The following LARGE1 variants were observed in gnomAD, a reference collection of about 807,000 sequenced individuals.
LARGE1 encodes LARGE xylosyl- and glucuronyltransferase 1, also known as xylosyl- and glucuronyltransferase LARGE1.
A neutral mutation model predicts 87.6 loss-of-function variants in LARGE1; 43 were observed. That is an observed-to-expected ratio of 0.49 (90% CI 0.38 to 0.63). The LOEUF is 0.63. LARGE1 is among the 30% of genes least tolerant of loss of function. The pLI, the probability that LARGE1 is intolerant of heterozygous loss-of-function variation, is 0.00. For missense variants in LARGE1, 802 were observed against 1,000.2 expected, an observed-to-expected ratio of 0.80 and a Z score of 2.67; for synonymous variants, 434 against 394.6, an observed-to-expected ratio of 1.10 and a Z score of -1.18.
At chr22:33,071,674 A>G in the LARGE1 span, among the ~76,000 whole-genome samples, 1 of 152,200 alleles carries the variant, frequency 6.6e-6, no homozygotes, top group Non-Finnish European at 1.5e-5. Flanking sequence ...ATATTAATAC[A>G]TGTTTATGGA....
At chr22:33,214,040 G>T (rs186085622) in intron 11 of LARGE1, among the ~76,000 whole-genome samples, 77 of 152,306 alleles carry the variant, frequency 5.1e-4, no homozygotes, top group Admixed American at 1.0e-3. Context: ...GTACTAGCCA[G>T]GGTGGTCTTG....
chr22:33,224,060 G>A (rs1049848209), intron 11 of LARGE1, among the ~76,000 whole-genome samples: 4 of 152,144 alleles, frequency 2.6e-5, no homozygotes. Context: ...TTGGGAGGCC[G>A]AGACTGGCAG....
chr22:33,612,220 C>T (rs2079453143), intron 4 of LARGE1, among the ~76,000 whole-genome samples: 1 of 152,042 alleles, frequency 6.6e-6, no homozygotes. Flanking sequence ...TCTCCTGCCT[C>T]AGCCTCCCAT....
intron 9 of LARGE1, among the ~76,000 whole-genome samples, chr22:33,379,408 C>T (rs1282850046): frequency 6.6e-6 from 1 of 152,024 alleles, no homozygotes; most frequent in East Asian, 1.9e-4. Context: ...TGCTATTCCT[C>T]CTCTCTCCCC....
chr22:33,641,677 G>C (rs2080437273), intron 3 of LARGE1, among the ~76,000 whole-genome samples: 1 of 152,158 alleles, frequency 6.6e-6, no homozygotes, highest in South Asian at 2.1e-4. Context: ...CCAGTTTAGA[G>C]AAGAAGAACA....
chr22:33,809,270 C>A (rs1231928258), intron 1 of LARGE1, among the ~76,000 whole-genome samples: 11 of 147,112 alleles, frequency 7.5e-5, no homozygotes, highest in East Asian at 2.0e-4. Context: ...GACTCCATCT[C>A]AAAAAAAAAA....
intron 1 of LARGE1, among the ~76,000 whole-genome samples, chr22:33,897,641 G>A (rs1022232931): frequency 6.6e-6 from 1 of 152,286 alleles, no homozygotes; most frequent in Non-Finnish European, 1.5e-5. Flanking sequence ...AAAATGTGGC[G>A]CTTTATTACG....
chr22:33,676,590 CA>C (rs34160766), intron 2 of LARGE1, among the ~76,000 whole-genome samples: 7,172 of 131,812 alleles, frequency 0.054, 207 homozygotes, highest in African/African-American at 0.089. Flanking sequence ...ACACCACCAA[CA>C]AAAAAAAAAA....
chr22:33,082,945 A>G, the LARGE1 span, among the ~76,000 whole-genome samples: 5 of 152,282 alleles, frequency 3.3e-5, no homozygotes, highest in South Asian at 1.0e-3. Flanking sequence ...GAATGGTGTG[A>G]ACCCGGGAGG....
At chr22:33,833,438 C>T (rs1484726337) in intron 1 of LARGE1, among the ~76,000 whole-genome samples, 2 of 152,110 alleles carry the variant, frequency 1.3e-5, no homozygotes, top group Admixed American at 1.3e-4. Flanking sequence ...GATAAGGATA[C>T]AACACAGAGG....
chr22:33,492,887 G>C (rs1168624205), intron 6 of LARGE1, among the ~76,000 whole-genome samples: 1 of 152,166 alleles, frequency 6.6e-6, no homozygotes, highest in African/African-American at 2.4e-5. Flanking sequence ...CACAGGGAGG[G>C]AGGAGGGAAA....
intron 2 of LARGE1, among the ~76,000 whole-genome samples, chr22:33,683,634 C>A (rs115089446): frequency 6.7e-6 from 1 of 150,300 alleles, no homozygotes; most frequent in Non-Finnish European, 1.5e-5. Flanking sequence ...GGCAGGCAGG[C>A]AGACAGACAG....
chr22:33,827,693 C>G (rs974052228), intron 1 of LARGE1, among the ~76,000 whole-genome samples: 1 of 152,132 alleles, frequency 6.6e-6, no homozygotes, highest in Non-Finnish European at 1.5e-5. Flanking sequence ...AAGCTGACAT[C>G]GTGGTGTAGA....
At chr22:33,268,042 G>A (rs764733473), downstream of LARGE1, among the ~76,000 whole-genome samples, 6 of 150,798 alleles carry the variant, frequency 4.0e-5, no homozygotes, top group Non-Finnish European at 7.4e-5. Flanking sequence ...TGCAACCTCC[G>A]CCTTCTGGGC....
chr22:33,504,710 G>A (rs908738882), intron 6 of LARGE1, among the ~76,000 whole-genome samples: 15 of 152,160 alleles, frequency 9.9e-5, no homozygotes, highest in African/African-American at 3.6e-4. Context: ...TTCAAGATGC[G>A]TAACACCAAC....
Position 33,650,474 on chromosome 22 carries a change from T to A in LARGE1, c.301A>T (p.Thr101Ser), listed in dbSNP as rs115008187. The A allele has an allele frequency of 6.2e-7, 1 of 1,613,964 alleles. No homozygotes were observed. The highest frequency in any genetic ancestry group is 1.3e-5 in the African/African-American group (1 of 75,056). ...CCAGTGCCCTCCTCCATGGAGTAGG[T>A]CTTGGAGTGGTTGCCTCGGCGATGG... ...PSHRRGNHSKTYSMEEGTGDS... is the reference protein window; with the variant it reads ...PSHRRGNHSKSYSMEEGTGDS... Residue 101 changes from threonine to serine, a missense_variant, in exon 3 of 15, where the codon ACC becomes TCC. Transcript: ENST00000397394.
At chr22:33,451,049 C>T (rs1281677624) in intron 6 of LARGE1, among the ~76,000 whole-genome samples, 1 of 152,156 alleles carries the variant, frequency 6.6e-6, no homozygotes, top group African/African-American at 2.4e-5. Context: ...TTGCCACTGC[C>T]CTCTTCGGAG....
In LARGE1 at chr22:33,215,904, C is replaced by T. The variant is rs5994698; in HGVS notation, c.1731-49072G>A. Among the ~76,000 whole-genome samples, 1,369 of 151,922 alleles carry T rather than the reference C, an allele frequency of 9.0e-3. 16 individuals carry two copies. The highest frequency in any genetic ancestry group is 0.03 in the African/African-American group (1,247 of 41,406). On this transcript the variant is annotated intron_variant, in intron 11 of 11. Coordinates refer to the LARGE1 transcript ENST00000608642. ...TTGGGAGGCAGAGGTTGCAGTGAGC[C>T]GAGATCATACCACTTCACTCCAGCC...
At chr22:33,704,290 AC>A in intron 2 of LARGE1, among the ~76,000 whole-genome samples, 1 of 152,326 alleles carries the variant, frequency 6.6e-6, no homozygotes, top group East Asian at 1.9e-4. Context: ...GTGACCCAGT[AC>A]AAGCACGGGT....
Sources: allele counts gnomAD v4.1 joint callset (sites outside exome capture counted in the v4.1 genomes callset), GRCh38; gene constraint gnomAD v4.1.1; transcripts MANE v1.5; gene names NCBI Gene and HGNC (gene_info 2026-07-23, HGNC 2026-07-21).